Variants in LRMDA observed in about 807,000 individuals in gnomAD.
The protein encoded by LRMDA is leucine rich melanocyte differentiation associated.
A neutral mutation model predicts 29.8 loss-of-function variants in LRMDA; 18 were observed. The ratio of observed to expected loss-of-function variants is 0.60; its 90% CI spans 0.42 to 0.90. The LOEUF (loss-of-function observed/expected upper bound fraction) is 0.90. LRMDA is among the 40% of genes least tolerant of loss of function. LRMDA has a pLI of 0.00. For synonymous variants in LRMDA, 125 were observed against 109.4 expected (o/e 1.14, Z -0.89); for missense variants, 273 against 273.9 (o/e 1.00, Z 0.02).
intron 6 of LRMDA, among the ~76,000 whole-genome samples, chr10:76,335,479 TA>T (rs1430285583): frequency 6.6e-6 from 1 of 152,150 alleles, no homozygotes; most frequent in African/African-American, 2.4e-5. Context: ...ACAATAAATT[TA>T]GAAAGTTTAT....
intron 2 of LRMDA, among the ~76,000 whole-genome samples, chr10:75,614,119 C>G (rs905472447): frequency 6.6e-6 from 1 of 152,250 alleles, no homozygotes; most frequent in Non-Finnish European, 1.5e-5. Flanking sequence ...CTTGTTCACC[C>G]TATCACCCCT....
At chr10:76,438,453 A>T (rs1284196656) in intron 6 of LRMDA, 2 of 152,132 alleles carry the variant, frequency 1.3e-5, no homozygotes, top group Admixed American at 6.5e-5. Flanking sequence ...TAGTACAAGC[A>T]TTTGTGGGAG....
chr10:75,605,261 A>G (rs1840941633), intron 2 of LRMDA, among the ~76,000 whole-genome samples: 1 of 152,154 alleles, frequency 6.6e-6, no homozygotes, highest in Non-Finnish European at 1.5e-5. Context: ...TTCTTCCTGA[A>G]TGTCTCCCTG....
rs918103350 is a variant in LRMDA, at chr10:75,621,232, A to C, written c.131+182738A>C. On this transcript the variant is annotated intron_variant, in intron 2 of 6. Coordinates refer to ENST00000611255, the MANE Select transcript of LRMDA (RefSeq NM_001305581.2). ...CACACACACACACACACACCCACAC[A>C]CCCACACACACACCACATTTTCTTT... is the stretch of plus-strand genomic sequence containing the variant. 1.0e-3 allele frequency among the ~76,000 whole-genome samples: 151 copies of C among 150,732 alleles called. 1 individual carries two copies. The highest frequency in any genetic ancestry group is 3.5e-3 in the African/African-American group (143 of 40,728).
At chr10:76,443,475 G>C (rs1312696435) in intron 6 of LRMDA, among the ~76,000 whole-genome samples, 2 of 152,154 alleles carry the variant, frequency 1.3e-5, no homozygotes, top group Non-Finnish European at 2.9e-5. Flanking sequence ...ATGGTAGTTA[G>C]CTTTCTGAGA....
intron 2 of LRMDA, among the ~76,000 whole-genome samples, chr10:75,599,580 G>A (rs893401357): frequency 5.3e-5 from 8 of 152,162 alleles, no homozygotes; most frequent in Middle Eastern, 3.2e-3. Context: ...TGGAGACGGC[G>A]GGTAGTAGAA....
intron 6 of LRMDA, among the ~76,000 whole-genome samples, chr10:76,524,548 T>G (rs1033936058): frequency 6.6e-6 from 1 of 152,198 alleles, no homozygotes; most frequent in Non-Finnish European, 1.5e-5. Flanking sequence ...TGCTGGAGAT[T>G]TATAATTAGT....
chr10:75,488,129 G>A (rs1227964353), intron 2 of LRMDA, among the ~76,000 whole-genome samples: 2 of 152,106 alleles, frequency 1.3e-5, no homozygotes, highest in East Asian at 3.9e-4. Context: ...ATGCTAAATG[G>A]TGTATGCCCT....
chr10:76,294,784 A>G (rs956873832), intron 5 of LRMDA, among the ~76,000 whole-genome samples: 10 of 152,226 alleles, frequency 6.6e-5, no homozygotes, highest in African/African-American at 2.4e-4. Context: ...CAGTGTTTCA[A>G]ATCAAAGGCA....
At chr10:75,911,336 TG>T (rs1845839614) in intron 2 of LRMDA, among the ~76,000 whole-genome samples, 1 of 152,184 alleles carries the variant, frequency 6.6e-6, no homozygotes, top group Admixed American at 6.5e-5. Flanking sequence ...GGAGGTGGCA[TG>T]GGGGGAGCAC....
At chr10:76,416,721 G>A (rs10824416) in intron 6 of LRMDA, among the ~76,000 whole-genome samples, 12,872 of 152,234 alleles carry the variant, frequency 0.085, 667 homozygotes, top group Admixed American at 0.16. Flanking sequence ...TCAAGTAGTC[G>A]TAATAATATC....
intron 2 of LRMDA, among the ~76,000 whole-genome samples, chr10:75,647,204 T>C (rs1350052675): frequency 6.6e-6 from 1 of 152,178 alleles, no homozygotes. Flanking sequence ...CCCGAGGCAG[T>C]GTGTACAAAG....
chr10:75,996,940 G>C (rs1326976407), intron 2 of LRMDA, among the ~76,000 whole-genome samples: 1 of 152,010 alleles, frequency 6.6e-6, no homozygotes, highest in East Asian at 1.9e-4. Flanking sequence ...CACCGTGTTA[G>C]CCAGGATGGT....
At chr10:76,394,796 T>G (rs151242928) in intron 6 of LRMDA, among the ~76,000 whole-genome samples, 12 of 152,330 alleles carry the variant, frequency 7.9e-5, no homozygotes, top group Admixed American at 7.8e-4. Context: ...ATTTTAGTAA[T>G]TGATTGGATG....
intron 2 of LRMDA, among the ~76,000 whole-genome samples, chr10:75,767,348 A>AG (rs1218974695): frequency 2.6e-5 from 4 of 152,164 alleles, no homozygotes; most frequent in Admixed American, 2.6e-4. Context: ...AACTGGCGTG[A>AG]GATAGTATCT....
chr10:76,361,566 A>G (rs758760445), intron 6 of LRMDA, among the ~76,000 whole-genome samples: 6 of 152,156 alleles, frequency 3.9e-5, no homozygotes, highest in Admixed American at 1.3e-4. Flanking sequence ...CATGCCAAGT[A>G]CCTGGCTTAG....
At chr10:75,693,960 T>C (rs1159051371) in intron 2 of LRMDA, among the ~76,000 whole-genome samples, 3 of 152,230 alleles carry the variant, frequency 2.0e-5, no homozygotes, top group African/African-American at 7.2e-5. Context: ...CAAAAGCTTT[T>C]TTGTTTGTTT....
chr10:76,541,740 G>A (rs145877264), intron 6 of LRMDA, among the ~76,000 whole-genome samples: 1 of 152,198 alleles, frequency 6.6e-6, no homozygotes, highest in East Asian at 1.9e-4. Flanking sequence ...TCAGAACACG[G>A]CATGCCAGTC....
chr10:76,225,586 C>G (rs1057438118), intron 5 of LRMDA, among the ~76,000 whole-genome samples: 1 of 151,944 alleles, frequency 6.6e-6, no homozygotes, highest in Non-Finnish European at 1.5e-5. Context: ...CTGGAACTTC[C>G]TCACTTCTCT....
Sources: gnomAD v4.1 joint callset for allele counts (sites outside exome capture counted in the v4.1 genomes callset) on GRCh38, gnomAD v4.1.1 for gene constraint, MANE v1.5 for transcripts, NCBI Gene and HGNC (gene_info 2026-07-23, HGNC 2026-07-21) for gene names.